STS: variants seen among roughly 807,000 people sequenced by gnomAD.
The protein encoded by STS is steroid sulfatase.
A neutral mutation model predicts 26.8 loss-of-function variants in STS; 7 were observed. That is an observed-to-expected ratio of 0.26 (90% CI 0.15 to 0.49). STS has a LOEUF of 0.49. Among genes scored for constraint, STS ranks in the 20% least tolerant of loss-of-function variants. STS has a pLI of 0.98. For missense variants in STS, 434 were observed against 465.6 expected (o/e 0.93, Z 0.63); for synonymous variants, 199 against 189.4 (o/e 1.05, Z -0.42).
intron 8 of STS, among the ~76,000 whole-genome samples, chrX:7,312,421 C>T (rs1926521436): frequency 9.0e-6 from 1 of 111,662 alleles, no homozygotes; most frequent in African/African-American, 3.3e-5. Flanking sequence ...CCACTGTGTC[C>T]TAGTGCCTTG....
chrX:7,208,068 A>G (rs1920962949), intron 2 of STS, among the ~76,000 whole-genome samples: 1 of 112,419 alleles, frequency 8.9e-6, no homozygotes, highest in South Asian at 3.7e-4. Flanking sequence ...CTATTACGGT[A>G]AAATCCAACA....
intron 2 of STS, among the ~76,000 whole-genome samples, chrX:7,209,120 G>T (rs1474217413): frequency 2.7e-5 from 3 of 111,094 alleles, no homozygotes; most frequent in African/African-American, 9.8e-5. Context: ...GGCTGTGGGC[G>T]CCTCGGGCCT....
intron 1 of STS, among the ~76,000 whole-genome samples, chrX:7,151,726 T>C: frequency 9.0e-6 from 1 of 111,155 alleles, no homozygotes; most frequent in East Asian, 2.8e-4. Flanking sequence ...CCAGTTTGCT[T>C]CTCTGCAGTG....
intron 7 of STS, among the ~76,000 whole-genome samples, chrX:7,291,443 G>C (rs966326961): frequency 1.8e-5 from 2 of 112,093 alleles, no homozygotes; most frequent in Admixed American, 9.5e-5. Flanking sequence ...TTATAACATA[G>C]CATATACTTT....
At position 7,259,660 on chromosome X, in the gene STS, T is replaced by C; in HGVS notation, c.694T>C (p.Phe232Leu). The change falls in exon 6 of 11, where the codon TTC becomes CTC. Residue 232 changes from phenylalanine to leucine, a missense_variant. Phe to Leu is a conservative substitution (Grantham distance 22). Transcript: ENST00000674429. ...CCTTTTCTTGGGCTTCCTTCATTAC[T>C]TCCGGCCCCTGAACTGCTTCATGAT... ...LTLFLGFLHY[F>L]RPLNCFMMRN... is the part of the protein sequence containing the mutation. 8.3e-7 allele frequency: 1 copy of C among 1,211,252 alleles called. No homozygotes were observed. Among genetic ancestry groups the C allele is most frequent in the Non-Finnish European group, 1.1e-6 (1 of 895,347 alleles).
At chrX:7,307,649 C>T (rs1301276183) in intron 8 of STS, among the ~76,000 whole-genome samples, 2 of 112,091 alleles carry the variant, frequency 1.8e-5, no homozygotes, top group Admixed American at 9.5e-5. Context: ...TTCAAAGATT[C>T]CCTGATTTGC....
chrX:7,331,715 G>T lies in STS; in HGVS notation c.1242-2271G>T, dbSNP rs1218425654. On this transcript the variant is annotated intron_variant, in intron 9 of 10. Transcript: ENST00000674429. ...TAAGACAATCCCAAATATTTCGATA[G>T]CTTAGACACCACTTAAAAGTTTAGC... 3.6e-5 allele frequency among the ~76,000 whole-genome samples: 4 copies of T among 110,583 alleles called. No homozygotes were observed. The Admixed American group carries it at 3.9e-4, about 11-fold the overall frequency.
At chrX:7,248,302 A>G (rs1409985837) in intron 2 of STS, among the ~76,000 whole-genome samples, 1 of 112,160 alleles carries the variant, frequency 8.9e-6, no homozygotes, top group Non-Finnish European at 1.9e-5. Flanking sequence ...GCTGAAACAA[A>G]CAAGCTCCAG....
At chrX:7,167,766 C>A (rs576218744) in intron 1 of STS, among the ~76,000 whole-genome samples, 2 of 111,608 alleles carry the variant, frequency 1.8e-5, no homozygotes, top group South Asian at 7.5e-4. Flanking sequence ...TGGCTCACTG[C>A]AACCCCAACC....
intron 7 of STS, among the ~76,000 whole-genome samples, chrX:7,297,547 A>G (rs1843976888): frequency 8.9e-6 from 1 of 112,008 alleles, no homozygotes. Flanking sequence ...TCTTCTTAAC[A>G]TGTTTTGAAT....
At chrX:7,316,080 C>T (rs758593498) in intron 8 of STS, among the ~76,000 whole-genome samples, 1 of 111,612 alleles carries the variant, frequency 9.0e-6, no homozygotes, top group African/African-American at 3.3e-5. Flanking sequence ...TCAGCTCAAC[C>T]AAGGTGTGAT....
At chrX:7,246,437 G>T (rs1272239365) in intron 2 of STS, among the ~76,000 whole-genome samples, 3 of 103,998 alleles carry the variant, frequency 2.9e-5, no homozygotes, top group African/African-American at 1.1e-4. Context: ...GAGTAGCTGG[G>T]ATTACAGGTA....
Position 7,148,001 on chromosome X carries a change from C to T in STS, c.-216C>T. On this transcript the variant is annotated 5_prime_UTR_variant, in exon 1 of 11. Coordinates refer to ENST00000674429, the MANE Select transcript of STS (RefSeq NM_001320752.2). ...TGACGTACCCCGCGCCGACCGTCCC[C>T]ACGCCCACACAAGACCGCCCTTACT... 2.0e-6 allele frequency: 2 copies of T among 994,041 alleles called. No homozygotes were observed. The highest frequency in any genetic ancestry group is 2.7e-6 in the Non-Finnish European group (2 of 729,147). The allele number at this position is 994,041 out of a possible 1,213,427, so 81.9% of individuals were successfully genotyped here.
chrX:7,263,267 C>A (rs755833970), intron 6 of STS, among the ~76,000 whole-genome samples: 8 of 111,700 alleles, frequency 7.2e-5, no homozygotes, highest in Non-Finnish European at 1.5e-4. Flanking sequence ...CAGGGTTTCA[C>A]CATGTTGACC....
intron 7 of STS, among the ~76,000 whole-genome samples, chrX:7,278,924 T>A (rs1221575241): frequency 9.0e-6 from 1 of 111,416 alleles, no homozygotes; most frequent in Non-Finnish European, 1.9e-5. Flanking sequence ...ATTTATTGAA[T>A]GTGCATACAC....
chrX:7,256,753 A>G (rs900950944), intron 3 of STS, among the ~76,000 whole-genome samples: 1 of 111,482 alleles, frequency 9.0e-6, no homozygotes, highest in Non-Finnish European at 1.9e-5. Flanking sequence ...GCCCTCTGTA[A>G]CATGAATGGA....
At chrX:7,280,938 G>A (rs1268598844) in intron 7 of STS, among the ~76,000 whole-genome samples, 1 of 112,551 alleles carries the variant, frequency 8.9e-6, no homozygotes, top group Non-Finnish European at 1.9e-5. Context: ...TGTAATCCCA[G>A]GTGGATCACC....
At chrX:7,344,753 C>T (rs1928447977) in intron 10 of STS, among the ~76,000 whole-genome samples, 1 of 111,696 alleles carries the variant, frequency 9.0e-6, no homozygotes, top group African/African-American at 3.3e-5. Flanking sequence ...GCTTTAGCCG[C>T]TGTGGGTTAG....
intron 5 of STS, among the ~76,000 whole-genome samples, chrX:7,258,958 T>C (rs770294809): frequency 1.8e-5 from 2 of 111,311 alleles, no homozygotes; most frequent in African/African-American, 3.3e-5. Context: ...GTTTCCTGCC[T>C]ATTAAAGATA....
Sources: gnomAD v4.1 joint callset for allele counts (sites outside exome capture counted in the v4.1 genomes callset) on GRCh38, gnomAD v4.1.1 for gene constraint, MANE v1.5 for transcripts, NCBI Gene and HGNC (gene_info 2026-07-23, HGNC 2026-07-21) for gene names.